Variants in TFDP2 observed in about 807,000 individuals in gnomAD.
TFDP2 encodes transcription factor Dp-2.
A neutral mutation model predicts 59.3 loss-of-function variants in TFDP2; 17 were observed. The observed-to-expected ratio is 0.29, with a 90% CI of 0.20 to 0.43. The LOEUF (loss-of-function observed/expected upper bound fraction) is 0.43. TFDP2 is among the 20% of genes least tolerant of loss of function. TFDP2 has a pLI of 1.00. For missense variants in TFDP2, 391 were observed against 528.8 expected, an observed-to-expected ratio of 0.74 and a Z score of 2.56; for synonymous variants, 180 against 194.7, an observed-to-expected ratio of 0.92 and a Z score of 0.63.
intron 3 of TFDP2, among the ~76,000 whole-genome samples, chr3:142,033,844 A>C (rs1038337976): frequency 5.3e-5 from 8 of 152,180 alleles, no homozygotes. Context: ...AGATAACTGA[A>C]CCAGGAGGGT....
intron 3 of TFDP2, among the ~76,000 whole-genome samples, chr3:142,073,620 G>A (rs1425470157): frequency 2.6e-5 from 4 of 152,104 alleles, no homozygotes; most frequent in Non-Finnish European, 4.4e-5. Flanking sequence ...CTGATTATAA[G>A]AGGAAGAACA....
intron 11 of TFDP2, among the ~76,000 whole-genome samples, chr3:141,956,533 CAGAG>C (rs1576447949): frequency 6.6e-6 from 1 of 151,326 alleles, no homozygotes; most frequent in Non-Finnish European, 1.5e-5. Context: ...GCCTGGGTAA[CAGAG>C]AGAGACTCCA....
chr3:142,093,270 G>C, intron 2 of TFDP2, 143 bp from the exon 3 acceptor site: 2 of 518,268 alleles, frequency 3.9e-6, no homozygotes, highest in Non-Finnish European at 6.6e-6. Flanking sequence ...AACCACAGGA[G>C]TATTATTTTA....
chr3:142,049,586 C>T (rs2862123), intron 3 of TFDP2, among the ~76,000 whole-genome samples: 131,248 of 152,196 alleles, frequency 0.86, 56,956 homozygotes, highest in African/African-American at 0.97. Context: ...CTTTACTATT[C>T]TGACAATGAA....
chr3:142,096,161 G>GT, intron 2 of TFDP2, among the ~76,000 whole-genome samples: 1 of 152,316 alleles, frequency 6.6e-6, no homozygotes, highest in Admixed American at 6.5e-5. Flanking sequence ...AAAGTCAATT[G>GT]TGAGTCCATA....
At position 142,095,161 on chromosome 3, in the gene TFDP2, T is replaced by C. The variant is rs148121694; in HGVS notation, c.16-2034A>G. On this transcript the variant is annotated intron_variant, in intron 2 of 12. Coordinates refer to ENST00000489671, the MANE Select transcript of TFDP2 (RefSeq NM_001178139.2). ...GTCCACCACCACGCCCAGCTAATTATGTATTTTCAGTAGAGACAGGGTTTC... is the reference window on the plus strand; with the variant it reads ...GTCCACCACCACGCCCAGCTAATTACGTATTTTCAGTAGAGACAGGGTTTC... 6.6e-3 allele frequency among the ~76,000 whole-genome samples: 1,006 copies of C among 152,286 alleles called. 17 individuals carry two copies. The highest frequency in any genetic ancestry group is 0.023 in the African/African-American group (969 of 41,564).
At chr3:142,074,777 G>A (rs910656863) in intron 3 of TFDP2, among the ~76,000 whole-genome samples, 14 of 152,110 alleles carry the variant, frequency 9.2e-5, no homozygotes, top group Admixed American at 5.9e-4. Flanking sequence ...ACTTGAACCC[G>A]GGAGGCAGAG....
chr3:142,042,689 T>C lies in TFDP2; in HGVS notation c.83-37145A>G, dbSNP rs62283148. On this transcript the variant is annotated intron_variant, in intron 3 of 12. Coordinates refer to ENST00000489671, the MANE Select transcript of TFDP2 (RefSeq NM_001178139.2). The stretch of plus-strand genomic sequence containing the variant: ...GCAGCAGAAAATCTGTGATGAATTT[T>C]ATATATAGCTTTTTGTAGCAGTCTC... Among the ~76,000 whole-genome samples the C allele has an allele frequency of 9.1e-3, 1,351 of 148,476 alleles. 13 individuals carry two copies. Among genetic ancestry groups the C allele is most frequent in the Non-Finnish European group, 0.016 (1,078 of 67,036 alleles).
At chr3:142,143,491 C>A (rs1357007220) in intron 1 of TFDP2, among the ~76,000 whole-genome samples, 5 of 152,016 alleles carry the variant, frequency 3.3e-5, no homozygotes, top group African/African-American at 7.2e-5. Context: ...AAAACATTTG[C>A]AAACTACCTA....
At chr3:142,112,374 C>T (rs1205946597) in intron 1 of TFDP2, among the ~76,000 whole-genome samples, 1 of 152,134 alleles carries the variant, frequency 6.6e-6, no homozygotes, top group African/African-American at 2.4e-5. Flanking sequence ...AAAAATTCCC[C>T]AGAGCTCAAC....
At chr3:142,141,097 G>A (rs559425473) in intron 1 of TFDP2, among the ~76,000 whole-genome samples, 3 of 152,206 alleles carry the variant, frequency 2.0e-5, no homozygotes, top group East Asian at 1.9e-4. Context: ...CCCCCAACCC[G>A]GCTGCAGCCT....
intron 3 of TFDP2, among the ~76,000 whole-genome samples, chr3:142,009,399 T>C (rs573702839): frequency 4.4e-4 from 67 of 152,298 alleles, no homozygotes; most frequent in Non-Finnish European, 9.1e-4. Flanking sequence ...TACCTTGTAA[T>C]TGTGCAACTG....
At chr3:141,973,958 T>C in intron 8 of TFDP2, 90 bp downstream of exon 8, 1 of 1,419,784 alleles carries the variant, frequency 7.0e-7, no homozygotes, top group South Asian at 1.4e-5. Flanking sequence ...AAATTGGAAA[T>C]ATTTTATATT....
At chr3:142,032,898 A>G (rs1043554696) in intron 3 of TFDP2, among the ~76,000 whole-genome samples, 5 of 152,200 alleles carry the variant, frequency 3.3e-5, no homozygotes, top group Non-Finnish European at 5.9e-5. Flanking sequence ...TAAGGTGATT[A>G]AAATTAAATA....
At chr3:141,984,882 G>A (rs975615880) in intron 6 of TFDP2, among the ~76,000 whole-genome samples, 12 of 152,102 alleles carry the variant, frequency 7.9e-5, no homozygotes, top group Non-Finnish European at 1.5e-4. Flanking sequence ...TCATGTTTCT[G>A]AGCAAAACTA....
chr3:142,012,798 T>C (rs1418804624), intron 3 of TFDP2, among the ~76,000 whole-genome samples: 1 of 152,168 alleles, frequency 6.6e-6, no homozygotes, highest in Non-Finnish European at 1.5e-5. Flanking sequence ...CATTTTATTA[T>C]TTAAAAAAAC....
chr3:142,082,724 GTCAA>G (rs2060680067), intron 3 of TFDP2, among the ~76,000 whole-genome samples: 1 of 152,242 alleles, frequency 6.6e-6, no homozygotes, highest in African/African-American at 2.4e-5. Context: ...ATGAATGCAA[GTCAA>G]TCAATGTAAT....
chr3:141,977,108 T>TATA (rs1559959540), intron 7 of TFDP2, among the ~76,000 whole-genome samples: 13 of 69,036 alleles, frequency 1.9e-4, no homozygotes, highest in African/African-American at 4.5e-4. Context: ...ATATATATAT[T>TATA]TTTTTTTTTT....
chr3:141,994,189 G>A (rs1236186938), intron 5 of TFDP2: 1 of 152,200 alleles, frequency 6.6e-6, no homozygotes, highest in Non-Finnish European at 1.5e-5. Flanking sequence ...GTGTAGGCAT[G>A]TATTTATGTA....
Sources: allele counts gnomAD v4.1 joint callset (sites outside exome capture counted in the v4.1 genomes callset), GRCh38; gene constraint gnomAD v4.1.1; transcripts MANE v1.5; gene names NCBI Gene and HGNC (gene_info 2026-07-23, HGNC 2026-07-21).